SRBD1: variants seen among roughly 807,000 people sequenced by gnomAD.
SRBD1 encodes S1 RNA binding domain 1, also known as S1 RNA-binding domain-containing protein 1.
A neutral mutation model predicts 115.3 loss-of-function variants in SRBD1; 88 were observed. The ratio of observed to expected loss-of-function variants is 0.76; its 90% CI spans 0.64 to 0.91. The LOEUF (loss-of-function observed/expected upper bound fraction) is 0.91. Among genes scored for constraint, SRBD1 ranks in the 40% least tolerant of loss-of-function variants. The pLI, the probability that SRBD1 is intolerant of heterozygous loss-of-function variation, is 0.00. For synonymous variants in SRBD1, 509 were observed against 407.7 expected, an observed-to-expected ratio of 1.25 and a Z score of -2.99; for missense variants, 1,385 against 1,177.4, an observed-to-expected ratio of 1.18 and a Z score of -2.58.
chr2:45,591,522 G>T (rs1673724192), intron 4 of SRBD1, among the ~76,000 whole-genome samples: 1 of 152,202 alleles, frequency 6.6e-6, no homozygotes, highest in African/African-American at 2.4e-5. Flanking sequence ...CTCTGTGTAG[G>T]CAGTGGGCAA....
chr2:45,478,790 A>C (rs905108762), intron 15 of SRBD1, among the ~76,000 whole-genome samples: 1 of 152,186 alleles, frequency 6.6e-6, no homozygotes, highest in African/African-American at 2.4e-5. Context: ...AAAAACCCCC[A>C]CAACAGTAAA....
At chr2:45,578,981 CAT>C (rs1193731865) in intron 7 of SRBD1, among the ~76,000 whole-genome samples, 1 of 152,042 alleles carries the variant, frequency 6.6e-6, no homozygotes, top group Admixed American at 6.6e-5. Flanking sequence ...TCATGTTGCA[CAT>C]GTTAACTATA....
intron 10 of SRBD1, among the ~76,000 whole-genome samples, chr2:45,560,769 T>C (rs938831665): frequency 6.6e-6 from 1 of 152,082 alleles, no homozygotes; most frequent in Admixed American, 6.5e-5. Flanking sequence ...TTCCTTTCAT[T>C]GGAATTTATT....
In SRBD1 at chr2:45,546,775, G is replaced by A. The variant is rs769278756; in HGVS notation, c.1831C>T (p.Leu611=). The change falls in exon 14 of 21, where the codon CTG becomes TTG. Residue 611 remains leucine, a synonymous_variant. Coordinates refer to ENST00000263736, the MANE Select transcript of SRBD1 (RefSeq NM_018079.5). The part of the protein sequence containing the change: ...CRETEAYFAD[L]IMKNYFAPLD... ...GGTGCAAAATAATTCTTCATTATCAGGTCAGCAAAGTAAGCTTCTGTTTCC... is the reference window on the plus strand; with the variant it reads ...GGTGCAAAATAATTCTTCATTATCAAGTCAGCAAAGTAAGCTTCTGTTTCC... 1 of 1,614,088 alleles carries A rather than the reference G, an allele frequency of 6.2e-7. No homozygotes were observed. Among genetic ancestry groups the A allele is most frequent in the Admixed American group, 1.7e-5 (1 of 60,024 alleles).
At chr2:45,521,864 A>AG (rs1671294917) in intron 14 of SRBD1, among the ~76,000 whole-genome samples, 1 of 152,026 alleles carries the variant, frequency 6.6e-6, no homozygotes, top group Non-Finnish European at 1.5e-5. Context: ...GCTACTCAGG[A>AG]GGCTCAGCTG....
chr2:45,392,504 T>G (rs1667031339), intron 20 of SRBD1, among the ~76,000 whole-genome samples: 1 of 152,222 alleles, frequency 6.6e-6, no homozygotes, highest in South Asian at 2.1e-4. Flanking sequence ...AGATATTATC[T>G]TATTTGTTCA....
At chr2:45,531,510 A>G (rs1462781417) in intron 14 of SRBD1, among the ~76,000 whole-genome samples, 1 of 151,414 alleles carries the variant, frequency 6.6e-6, no homozygotes, top group Non-Finnish European at 1.5e-5. Context: ...CATAATTTCT[A>G]TTTTCCACTA....
At position 45,466,238 on chromosome 2, in the gene SRBD1, T is replaced by A. The variant is rs190159696; in HGVS notation, c.2049+10755A>T. 2.0e-5 allele frequency among the ~76,000 whole-genome samples: 3 copies of A among 152,266 alleles called. No homozygotes were observed. In the East Asian group the frequency reaches 5.8e-4, roughly 29 times the overall value. ...ATAAGAAATGTAGGGGAACAACTCC[T>A]CACAGTCCTGCTATCTTCCATCTCT... is the stretch of plus-strand genomic sequence containing the variant. On this transcript the variant is annotated intron_variant, in intron 16 of 20. Transcript: ENST00000263736.
chr2:45,562,790 C>T (rs760090315), intron 9 of SRBD1, 34 bp from the exon 10 acceptor site: 12 of 1,442,998 alleles, frequency 8.3e-6, no homozygotes, highest in Non-Finnish European at 9.5e-6. Flanking sequence ...ACTAATAATC[C>T]ACAAAATATA....
rs372946548 is a variant in SRBD1 at position 45,547,607 on chromosome 2, T to C, written c.1681A>G (p.Ile561Val). Residue 561 changes from isoleucine (I) to valine (V), a missense_variant, in exon 13 of 21, where the codon ATA (isoleucine) becomes GTA (valine). Transcript: ENST00000263736. Reference protein sequence around the residue: ...KLAIISPTSQILHTDVVYLHC... With the variant: ...KLAIISPTSQVLHTDVVYLHC... ...AAGTAAACCACATCAGTATGAAGTATCTGACCTTTAAAAAATGAAAAGAAT... is the reference window on the plus strand; with the variant it reads ...AAGTAAACCACATCAGTATGAAGTACCTGACCTTTAAAAAATGAAAAGAAT... The C allele has an allele frequency of 7.5e-6, 12 of 1,607,566 alleles. No individual in the cohort carries two copies. The highest frequency in any genetic ancestry group is 1.3e-5 in the African/African-American group (1 of 74,470).
chr2:45,480,610 T>TA (rs1361951403), intron 15 of SRBD1, among the ~76,000 whole-genome samples: 5 of 152,156 alleles, frequency 3.3e-5, no homozygotes, highest in Middle Eastern at 6.3e-3. Context: ...GACAAGCAAA[T>TA]AAAGTGTTTT....
intron 16 of SRBD1, among the ~76,000 whole-genome samples, chr2:45,440,730 T>G (rs1195049849): frequency 1.3e-5 from 2 of 152,152 alleles, no homozygotes; most frequent in African/African-American, 4.8e-5. Flanking sequence ...AAAGAATTTT[T>G]CCCTTCTAAT....
chr2:45,440,901 T>C (rs1333640543), intron 16 of SRBD1, among the ~76,000 whole-genome samples: 1 of 152,132 alleles, frequency 6.6e-6, no homozygotes, highest in African/African-American at 2.4e-5. Flanking sequence ...TATTTGTCTG[T>C]TTGAGGAGAC....
rs1291878239 is a variant in SRBD1 at position 45,546,749 on chromosome 2, T to C, written c.1857A>G (p.Pro619=). The C allele has an allele frequency of 1.2e-6, 2 of 1,614,044 alleles. No homozygotes were observed. The highest frequency in any genetic ancestry group is 1.7e-5 in the Admixed American group (1 of 60,018). The change falls in exon 14 of 21, where the codon CCA becomes CCG. Residue 619 remains proline, a synonymous_variant. Coordinates refer to ENST00000263736, the MANE Select transcript of SRBD1 (RefSeq NM_018079.5). Reference sequence around the variant, plus strand: ...AGCCTTACCAGTAAACAACATCCAGTGGTGCAAAATAATTCTTCATTATCA... The same window carrying C: ...AGCCTTACCAGTAAACAACATCCAGCGGTGCAAAATAATTCTTCATTATCA... ...ADLIMKNYFA[P]LDVVYCIVSE... is the part of the protein sequence containing the mutation.
At chr2:45,503,641 G>A (rs902898045) in intron 14 of SRBD1, among the ~76,000 whole-genome samples, 6 of 152,080 alleles carry the variant, frequency 3.9e-5, no homozygotes, top group African/African-American at 7.2e-5. Context: ...AACCAAAGAC[G>A]GCAGCTAAAG....
In SRBD1 at chr2:45,561,272, T is replaced by C. The variant is rs571829010; in HGVS notation, c.1409+1381A>G. On this transcript the variant is annotated intron_variant, in intron 10 of 20. Transcript: ENST00000263736. ...TTTCAACTTCAGCTCTATTTCCACT[T>C]TTTCAAAATGGCTGCACAGAATTCC... Among the ~76,000 whole-genome samples the C allele has an allele frequency of 3.3e-5, 5 of 152,346 alleles. No homozygotes were observed. In the East Asian group the frequency reaches 9.6e-4, roughly 29 times the overall value.
chr2:45,487,038 G>C (rs942952785), intron 15 of SRBD1, among the ~76,000 whole-genome samples: 2 of 152,072 alleles, frequency 1.3e-5, no homozygotes, highest in South Asian at 4.1e-4. Flanking sequence ...AAGATTTTTA[G>C]CTCAGATTTA....
At chr2:45,540,019 A>G (rs112673147) in intron 14 of SRBD1, among the ~76,000 whole-genome samples, 133 of 152,274 alleles carry the variant, frequency 8.7e-4, no homozygotes, top group African/African-American at 2.8e-3. Flanking sequence ...AAAAACACAG[A>G]ACTTCTAGAT....
chr2:45,497,581 T>C (rs1227540253), intron 14 of SRBD1, among the ~76,000 whole-genome samples: 1 of 152,182 alleles, frequency 6.6e-6, no homozygotes, highest in African/African-American at 2.4e-5. Flanking sequence ...AGTTCTCTGG[T>C]GAATCAGATA....
Sources: gnomAD v4.1 joint callset for allele counts (sites outside exome capture counted in the v4.1 genomes callset) on GRCh38, gnomAD v4.1.1 for gene constraint, MANE v1.5 for transcripts, NCBI Gene and HGNC (gene_info 2026-07-23, HGNC 2026-07-21) for gene names.